The following PPP2R5A variants were observed in gnomAD, a reference collection of about 807,000 sequenced individuals.
The protein encoded by PPP2R5A is protein phosphatase 2 regulatory subunit B'alpha, also known as serine/threonine-protein phosphatase 2A 56 kDa regulatory subunit alpha isoform.
In PPP2R5A, 25 loss-of-function variants were observed where a neutral mutation model predicts 64.2. The observed-to-expected ratio is 0.39, with a 90% CI of 0.28 to 0.54. PPP2R5A has a LOEUF of 0.54. Ranked by LOEUF, PPP2R5A falls within the 20% of genes least tolerant of loss-of-function variation. PPP2R5A has a pLI of 0.67. For missense variants in PPP2R5A, 425 were observed against 576.3 expected, an observed-to-expected ratio of 0.74 and a Z score of 2.69; for synonymous variants, 198 against 201.2, an observed-to-expected ratio of 0.98 and a Z score of 0.13.
intron 1 of PPP2R5A, among the ~76,000 whole-genome samples, chr1:212,305,508 A>C (rs888844968): frequency 6.6e-6 from 1 of 151,774 alleles, no homozygotes; most frequent in Non-Finnish European, 1.5e-5. Flanking sequence ...TGTTGGGTGG[A>C]GTGTTCTATA....
intron 2 of PPP2R5A, among the ~76,000 whole-genome samples, chr1:212,332,905 T>A (rs1318295898): frequency 2.7e-5 from 4 of 149,506 alleles, no homozygotes; most frequent in African/African-American, 9.7e-5. Context: ...TTTTTTATTT[T>A]TATTTTTATT....
At chr1:212,340,785 A>G (rs1311996908) in intron 3 of PPP2R5A, among the ~76,000 whole-genome samples, 1 of 152,228 alleles carries the variant, frequency 6.6e-6, no homozygotes, top group Non-Finnish European at 1.5e-5. Flanking sequence ...AACTTTTGTT[A>G]GCTGTAGACT....
chr1:212,286,153 A>ATC lies in PPP2R5A; in HGVS notation c.46_47dup (p.Ala17ArgfsTer76). On this transcript the variant is annotated frameshift_variant, in exon 1 of 13. Coordinates refer to ENST00000261461, the MANE Select transcript of PPP2R5A (RefSeq NM_006243.4). LOFTEE classifies it high-confidence loss of function. ...GCCGGCGGGGGCTGCCAGCGCCGCC[A>ATC]TCTCGGCCTCGGAGAAAGTGGACGG... 1 of 1,588,070 alleles carries ATC rather than the reference A, an allele frequency of 6.3e-7. No homozygotes were observed. Among genetic ancestry groups the ATC allele is most frequent in the Non-Finnish European group, 8.6e-7 (1 of 1,169,174 alleles).
At chr1:212,288,074 T>C (rs1247165988) in intron 1 of PPP2R5A, among the ~76,000 whole-genome samples, 2 of 152,218 alleles carry the variant, frequency 1.3e-5, no homozygotes, top group Non-Finnish European at 2.9e-5. Flanking sequence ...TGGAGTGCAA[T>C]GGCGCGATCT....
At chr1:212,310,686 A>G (rs1659012816) in intron 1 of PPP2R5A, among the ~76,000 whole-genome samples, 1 of 152,222 alleles carries the variant, frequency 6.6e-6, no homozygotes, top group Non-Finnish European at 1.5e-5. Context: ...GGCCAGAACA[A>G]AGGTGATTGA....
rs768378094 is a variant in PPP2R5A, at chr1:212,286,307, G to C, written c.181+16G>C. 9.5e-6 allele frequency: 14 copies of C among 1,468,808 alleles called. No individual in the cohort carries two copies. Among genetic ancestry groups the C allele is most frequent in the Admixed American group, 5.0e-5 (2 of 40,238 alleles). The allele number at this position is 1,468,808 out of a possible 1,614,324, so 91.0% of individuals were successfully genotyped here. The stretch of plus-strand genomic sequence containing the variant: ...CAGCTCAAAGGTAACCTCCGAGGGC[G>C]CAGCCCCAGCAGCGAGCGCAGGGGC... On this transcript the variant is annotated intron_variant, in intron 1 of 12. Coordinates refer to ENST00000261461, the MANE Select transcript of PPP2R5A (RefSeq NM_006243.4).
Position 212,286,263 on chromosome 1 carries a change from A to G in PPP2R5A, c.153A>G (p.Ala51=), listed in dbSNP as rs1345377576. The G allele has an allele frequency of 3.3e-6, 5 of 1,538,186 alleles. No individual in the cohort carries two copies. The African/African-American group carries it at 5.6e-5, about 17-fold the overall frequency. ...SSQFRSQGSQ[A]ELHPLPQLKD... ...AGTTTCGCAGCCAGGGCAGCCAGGC[A>G]GAGCTGCACCCGCTGCCCCAGCTCA... Residue 51 remains alanine (A), a synonymous_variant, in exon 1 of 13, where the codon GCA becomes GCG. Coordinates refer to ENST00000261461, the MANE Select transcript of PPP2R5A (RefSeq NM_006243.4).
In PPP2R5A at chr1:212,309,849, T is replaced by G. The variant is rs571766929; in HGVS notation, c.182-19286T>G. On this transcript the variant is annotated intron_variant, in intron 1 of 12. Coordinates refer to ENST00000261461, the MANE Select transcript of PPP2R5A (RefSeq NM_006243.4). ...GAAAAAAAAAAGTTCATGCATAATT[T>G]TTGTGATACCCACCACCACAGATAA... Among the ~76,000 whole-genome samples the G allele has an allele frequency of 1.3e-4, 20 of 152,304 alleles. No individual in the cohort carries two copies. In the South Asian group the frequency reaches 3.9e-3, roughly 30 times the overall value.
At chr1:212,343,068 C>T (rs576477596) in intron 4 of PPP2R5A, among the ~76,000 whole-genome samples, 29 of 152,232 alleles carry the variant, frequency 1.9e-4, no homozygotes, top group Admixed American at 2.6e-4. Context: ...CTGCCTCAGC[C>T]TCCCAAGTAG....
At chr1:212,321,482 C>CCGGG (rs1659291776) in intron 1 of PPP2R5A, among the ~76,000 whole-genome samples, 2 of 148,880 alleles carry the variant, frequency 1.3e-5, no homozygotes, top group African/African-American at 2.5e-5. Context: ...GGTGTGGCTG[C>CCGGG]CGGGCGGAGG....
At chr1:212,335,451 G>A (rs1270834860) in intron 3 of PPP2R5A, among the ~76,000 whole-genome samples, 2 of 150,830 alleles carry the variant, frequency 1.3e-5, no homozygotes, top group African/African-American at 2.4e-5. Context: ...CTCCAGCCTG[G>A]GCAACAAGAG....
At position 212,360,564 on chromosome 1, in the gene PPP2R5A, G is replaced by A. The variant is rs553975244; in HGVS notation, c.1329-74G>A. ...ATGTGGGTAAGTAATGTGTTCTCCA[G>A]TAAGCTGTCAAACAGCACCTCTCTT... is the stretch of plus-strand genomic sequence containing the variant. On this transcript the variant is annotated intron_variant, in intron 12 of 12. Transcript: ENST00000261461. The A allele has an allele frequency of 1.3e-5, 17 of 1,306,486 alleles. No homozygotes were observed. The African/African-American group carries it at 2.4e-4, about 19-fold the overall frequency. The allele number at this position is 1,306,486 out of a possible 1,614,324, so 80.9% of individuals were successfully genotyped here. A position where few individuals can be genotyped will look rare whatever the true frequency, so the allele number is the denominator to read the frequency against.
chr1:212,294,960 G>A (rs1169003300), intron 1 of PPP2R5A, among the ~76,000 whole-genome samples: 1 of 152,132 alleles, frequency 6.6e-6, no homozygotes, highest in African/African-American at 2.4e-5. Flanking sequence ...AGGTAATTGA[G>A]CATAGCATAT....
Position 212,329,319 on chromosome 1 carries a change from T to TA in PPP2R5A, c.367dup (p.Ile123AsnfsTer8). 6.3e-7 allele frequency: 1 copy of TA among 1,594,358 alleles called. No homozygotes were observed. The highest frequency in any genetic ancestry group is 8.5e-7 in the Non-Finnish European group (1 of 1,171,990). On this transcript the variant is annotated frameshift_variant, in exon 2 of 13. Transcript: ENST00000261461. LOFTEE classifies it high-confidence loss of function. ...TAATTGTTGAATCAGCGTATTCTGA[T>TA]ATAGTAAAAATGGTAAGCCTCTAGA...
At chr1:212,320,384 T>G (rs1387844758) in intron 1 of PPP2R5A, among the ~76,000 whole-genome samples, 1 of 152,176 alleles carries the variant, frequency 6.6e-6, no homozygotes, top group Non-Finnish European at 1.5e-5. Context: ...TTTCTCAATC[T>G]TTTCCCCACC....
chr1:212,310,176 G>C (rs1231060447), intron 1 of PPP2R5A, among the ~76,000 whole-genome samples: 1 of 152,080 alleles, frequency 6.6e-6, no homozygotes. Flanking sequence ...ATAATGCTTT[G>C]GGGCACACAT....
In PPP2R5A at chr1:212,357,434, T is replaced by C. The variant is rs963892251; in HGVS notation, c.1226+150T>C. 5.9e-5 allele frequency: 36 copies of C among 613,834 alleles called. No homozygotes were observed. The African/African-American group carries it at 6.0e-4, about 10-fold the overall frequency. 38.0% of individuals were successfully genotyped at this position (613,834 alleles called of 1,614,324 possible). A position where few individuals can be genotyped will look rare whatever the true frequency, so the allele number is the denominator to read the frequency against. ...GTTGTATTCTATTCTGTATTTTATA[T>C]ACGTATACCTTTATCAAGTTATAAA... is the stretch of plus-strand genomic sequence containing the variant. On this transcript the variant is annotated intron_variant, in intron 11 of 12. Coordinates refer to ENST00000261461, the MANE Select transcript of PPP2R5A (RefSeq NM_006243.4).
At chr1:212,310,529 G>A (rs571851363) in intron 1 of PPP2R5A, among the ~76,000 whole-genome samples, 1 of 152,236 alleles carries the variant, frequency 6.6e-6, no homozygotes, top group African/African-American at 2.4e-5. Context: ...AATCTCTGGA[G>A]TCGGGGCTCA....
intron 1 of PPP2R5A, among the ~76,000 whole-genome samples, chr1:212,298,875 G>C: frequency 2.4e-5 from 1 of 41,992 alleles, no homozygotes; most frequent in East Asian, 4.0e-4. Flanking sequence ...GGCCAGGCGG[G>C]GGGCTGACCC....
Sources: allele counts gnomAD v4.1 joint callset (sites outside exome capture counted in the v4.1 genomes callset), GRCh38; gene constraint gnomAD v4.1.1; transcripts MANE v1.5; gene names NCBI Gene and HGNC (gene_info 2026-07-23, HGNC 2026-07-21).